LAMB4: variants seen among roughly 807,000 people sequenced by gnomAD.
The protein encoded by LAMB4 is laminin subunit beta-4.
A neutral mutation model predicts 199.2 loss-of-function variants in LAMB4; 196 were observed. The ratio of observed to expected loss-of-function variants is 0.98; its 90% confidence interval spans 0.88 to 1.11. The LOEUF (loss-of-function observed/expected upper bound fraction) is 1.11, where lower values mean the gene tolerates loss of function less well. LAMB4 is among the 50% of genes least tolerant of loss of function. LAMB4 has a pLI of 0.00. For synonymous variants in LAMB4, 744 were observed against 770.6 expected (o/e 0.97, Z 0.57); for missense variants, 2,080 against 2,171.2 (o/e 0.96, Z 0.83).
Position 108,043,740 on chromosome 7 carries a change from T to C in LAMB4, c.4471+12A>G, listed in dbSNP as rs2035517059. 2.6e-6 allele frequency: 4 copies of C among 1,521,328 alleles called. 1 individual carries two copies. In the Admixed American group the frequency reaches 7.2e-5, roughly 27 times the overall value. 94.2% of individuals were successfully genotyped at this position (1,521,328 alleles called of 1,614,324 possible). A position where few individuals can be genotyped will look rare whatever the true frequency, so the allele number is the denominator to read the frequency against. ...AAACAAAAACTAGTCCTAATATATATTTTTAAATTACCTAACAAAAAGTTT... is the reference window on the plus strand; with the variant it reads ...AAACAAAAACTAGTCCTAATATATACTTTTAAATTACCTAACAAAAAGTTT... On this transcript the variant is annotated intron_variant, in intron 29 of 33. Coordinates refer to ENST00000388781, the MANE Select transcript of LAMB4 (RefSeq NM_007356.3).
intron 10 of LAMB4, 77 bp from the exon 11 acceptor site, chr7:108,098,659 C>T (rs1371734263): frequency 4.2e-6 from 5 of 1,179,640 alleles, no homozygotes; most frequent in Non-Finnish European, 5.9e-6. Flanking sequence ...GCATTTTACT[C>T]ATGCTATAAC....
intron 2 of LAMB4, among the ~76,000 whole-genome samples, chr7:108,120,640 C>T (rs957275827): frequency 2.0e-5 from 3 of 152,110 alleles, no homozygotes; most frequent in Non-Finnish European, 2.9e-5. Flanking sequence ...GCTTGTTTTC[C>T]GGAATTGGTA....
intron 31 of LAMB4, among the ~76,000 whole-genome samples, chr7:108,033,027 G>T (rs1008883563): frequency 6.6e-6 from 1 of 152,072 alleles, no homozygotes; most frequent in Admixed American, 6.5e-5. Flanking sequence ...ATATTTTTAT[G>T]TGTTTTTTTC....
intron 28 of LAMB4, among the ~76,000 whole-genome samples, chr7:108,047,287 T>C (rs1296080938): frequency 6.6e-6 from 1 of 152,086 alleles, no homozygotes; most frequent in Admixed American, 6.6e-5. Context: ...ACACTGAGTG[T>C]GCCTGCCTCT....
intron 5 of LAMB4, 88 bp from the exon 6 acceptor site, chr7:108,107,907 A>C (rs2038082894): frequency 2.1e-6 from 2 of 958,688 alleles, no homozygotes; most frequent in African/African-American, 3.4e-5. Flanking sequence ...TTCTAATTCC[A>C]TTTTTAAAAA....
chr7:108,105,270 T>C (rs1364715752), intron 8 of LAMB4, among the ~76,000 whole-genome samples: 1 of 152,202 alleles, frequency 6.6e-6, no homozygotes, highest in African/African-American at 2.4e-5. Flanking sequence ...ATCTGCCATA[T>C]TAAGACACAG....
Position 108,066,501 on chromosome 7 carries a change from C to T in LAMB4, c.2546G>A (p.Arg849His), listed in dbSNP as rs148837121. Residue 849 changes from arginine to histidine, a missense_variant, in exon 20 of 34, where the codon CGC becomes CAC. Transcript: ENST00000388781. ...HGEVSGRRCDRCLAGYFGFPS... is the reference protein window; with the variant it reads ...HGEVSGRRCDHCLAGYFGFPS... The stretch of plus-strand genomic sequence containing the variant: ...AAATCCAAAGTAGCCTGCCAGGCAG[C>T]GATCACAGCGGCGGCCAGACACCTC... 3.1e-4 allele frequency: 504 copies of T among 1,614,088 alleles called. No homozygotes were observed. Among genetic ancestry groups the T allele is most frequent in the Non-Finnish European group, 4.1e-4 (483 of 1,179,976 alleles).
the LAMB4 span, among the ~76,000 whole-genome samples, chr7:108,014,818 G>A: frequency 6.6e-6 from 1 of 151,920 alleles, no homozygotes; most frequent in African/African-American, 2.4e-5. Context: ...TGCCTCCCTG[G>A]CTGAACTGAT....
chr7:108,037,356 G>A (rs764942833), intron 30 of LAMB4, 32 bp downstream of exon 30: 7 of 1,536,840 alleles, frequency 4.6e-6, no homozygotes, highest in Non-Finnish European at 5.4e-6. Flanking sequence ...TGGTCTGTTA[G>A]AGCAAGATAA....
intron 1 of LAMB4, among the ~76,000 whole-genome samples, chr7:108,128,057 A>G (rs2038855827): frequency 6.6e-6 from 1 of 152,136 alleles, no homozygotes; most frequent in African/African-American, 2.4e-5. Context: ...GGCCCATTCT[A>G]TGGAACACGG....
chr7:108,096,939 C>CAAAAA (rs746917278), intron 11 of LAMB4, among the ~76,000 whole-genome samples: 6 of 52,828 alleles, frequency 1.1e-4, no homozygotes, highest in East Asian at 7.0e-4. Context: ...CTGTCTCTCT[C>CAAAAA]AAAAAAAAAA....
intron 28 of LAMB4, among the ~76,000 whole-genome samples, chr7:108,047,189 A>G (rs2035656166): frequency 6.6e-6 from 1 of 152,064 alleles, no homozygotes; most frequent in Admixed American, 6.6e-5. Flanking sequence ...CTCTCTCTTT[A>G]CACACACACG....
At position 108,105,793 on chromosome 7, in the gene LAMB4, T is replaced by C. The variant is rs563496463; in HGVS notation, c.870+24A>G. The C allele has an allele frequency of 5.0e-6, 8 of 1,604,960 alleles. No homozygotes were observed. In the East Asian group the frequency reaches 1.6e-4, roughly 31 times the overall value. ...GTGAAAGGCAGGTAGGACAGCCCAC[T>C]GTTCTTTTGGATTAATAACTCACCA... On this transcript the variant is annotated intron_variant, in intron 8 of 33. Coordinates refer to ENST00000388781, the MANE Select transcript of LAMB4 (RefSeq NM_007356.3).
At position 108,106,467 on chromosome 7, in the gene LAMB4, A is replaced by C. The variant is rs761431556; in HGVS notation, c.655+42T>G. 4.1e-6 allele frequency: 5 copies of C among 1,208,970 alleles called. No individual in the cohort carries two copies. In the African/African-American group the frequency reaches 7.7e-5, roughly 19 times the overall value. The allele number at this position is 1,208,970 out of a possible 1,614,324, so 74.9% of individuals were successfully genotyped here. A position where few individuals can be genotyped will look rare whatever the true frequency, so the allele number is the denominator to read the frequency against. ...TTACAAGGAATATGCCAAACATGAA[A>C]TTTTTTTAAAGCTGATATGAAAAAT... On this transcript the variant is annotated intron_variant, in intron 7 of 33. Transcript: ENST00000388781.
chr7:108,069,366 A>T (rs187185040), intron 18 of LAMB4, among the ~76,000 whole-genome samples: 1 of 152,214 alleles, frequency 6.6e-6, no homozygotes. Flanking sequence ...TGGGCAAGTT[A>T]CATACAGATT....
rs1049434760 is a variant in LAMB4 at position 108,066,304 on chromosome 7, C to G, written c.2678+65G>C. On this transcript the variant is annotated intron_variant, in intron 20 of 33. Coordinates refer to ENST00000388781, the MANE Select transcript of LAMB4 (RefSeq NM_007356.3). ...ATTGTTGAGTCTCTACTCAATGGAT[C>G]TCTATTAGGAGATTGGAACAAAGTG... is the stretch of plus-strand genomic sequence containing the variant. The G allele has an allele frequency of 2.2e-4, 263 of 1,175,600 alleles. 3 individuals are homozygous for G. The highest frequency in any genetic ancestry group is 1.9e-4 in the Middle Eastern group (1 of 5,202). The allele number at this position is 1,175,600 out of a possible 1,614,324, so 72.8% of individuals were successfully genotyped here. A position where few individuals can be genotyped will look rare whatever the true frequency, so the allele number is the denominator to read the frequency against.
At chr7:108,058,211 A>G (rs537766089) in intron 23 of LAMB4, among the ~76,000 whole-genome samples, 1 of 152,352 alleles carries the variant, frequency 6.6e-6, no homozygotes, top group Non-Finnish European at 1.5e-5. Context: ...AACAAAACAC[A>G]TAATGGGAAA....
At chr7:108,118,144 A>C (rs1350748158) in intron 2 of LAMB4, among the ~76,000 whole-genome samples, 1 of 152,206 alleles carries the variant, frequency 6.6e-6, no homozygotes, top group Non-Finnish European at 1.5e-5. Context: ...AAAAAACTAT[A>C]TATGAAAAAG....
intron 4 of LAMB4, among the ~76,000 whole-genome samples, chr7:108,111,316 C>A (rs1326709056): frequency 2.6e-5 from 4 of 152,218 alleles, no homozygotes; most frequent in Non-Finnish European, 4.4e-5. Flanking sequence ...ATACTTCAGT[C>A]CGTAGCCAGC....
Sources: gnomAD v4.1 joint callset for allele counts (sites outside exome capture counted in the v4.1 genomes callset) on GRCh38, gnomAD v4.1.1 for gene constraint, MANE v1.5 for transcripts, NCBI Gene and HGNC (gene_info 2026-07-23, HGNC 2026-07-21) for gene names.